Variants in SMARCB1 observed in about 807,000 individuals in gnomAD.
SMARCB1 encodes the protein SWI/SNF-related matrix-associated actin-dependent regulator of chromatin subfamily B member 1.
Under a neutral mutation model 49.0 loss-of-function variants are expected in SMARCB1, and 5 were observed. The observed-to-expected ratio is 0.10, with a 90% CI of 0.05 to 0.21. SMARCB1 has a LOEUF of 0.21. Ranked by LOEUF, SMARCB1 falls within the 10% of genes least tolerant of loss-of-function variation. SMARCB1 has a pLI of 1.00. For missense variants in SMARCB1, 226 were observed against 509.2 expected (o/e 0.44, Z 5.35); for synonymous variants, 201 against 200.1 (o/e 1.00, Z -0.04).
intron 3 of SMARCB1, among the ~76,000 whole-genome samples, chr22:23,795,980 A>G (rs2145969074): frequency 6.6e-6 from 1 of 151,812 alleles, no homozygotes; most frequent in South Asian, 2.1e-4. Flanking sequence ...TTTATTAGAG[A>G]CGGGGTTTCA....
At position 23,834,767 on chromosome 22, in the gene SMARCB1, C is replaced by T. The variant is rs2030900095; in HGVS notation, c.*587C>T. 2.3e-5 allele frequency: 33 copies of T among 1,421,488 alleles called. No individual in the cohort carries two copies. In the South Asian group the frequency reaches 3.8e-4, roughly 16 times the overall value. The allele number at this position is 1,421,488 out of a possible 1,614,324, so 88.1% of individuals were successfully genotyped here. A position where few individuals can be genotyped will look rare whatever the true frequency, so the allele number is the denominator to read the frequency against. ...AGCTGAGAAGAGTAGCTGTGAGGCT[C>T]AGGGCAAGAGGCTCTCTGCCTTTCA... On this transcript the variant is annotated 3_prime_UTR_variant, in exon 9 of 9. Transcript: ENST00000644036.
intron 5 of SMARCB1, among the ~76,000 whole-genome samples, chr22:23,814,160 AATC>A (rs1930043477): frequency 6.6e-6 from 1 of 152,126 alleles, no homozygotes; most frequent in Admixed American, 6.6e-5. Context: ...AAGTGGGAGT[AATC>A]ATTCTACCCA....
Position 23,837,804 on chromosome 22 carries a change from G to T in SMARCB1, c.*3624G>T. 1 of 1,613,838 alleles carries T rather than the reference G, an allele frequency of 6.2e-7. No individual in the cohort carries two copies. Reference sequence around the variant, plus strand: ...GGCGGCTCCACACGTACACCAGCATGGCCATGAGGGCCTGGCCCAGGAAGA... The same window carrying T: ...GGCGGCTCCACACGTACACCAGCATTGCCATGAGGGCCTGGCCCAGGAAGA... On this transcript the variant is annotated 3_prime_UTR_variant, in exon 9 of 9. Transcript: ENST00000644036.
chr22:23,834,470 TA>T lies in SMARCB1; in HGVS notation c.*292del. On this transcript the variant is annotated 3_prime_UTR_variant, in exon 9 of 9. Coordinates refer to ENST00000644036, the MANE Select transcript of SMARCB1 (RefSeq NM_003073.5). ...GTATAGGAGCCCCAGGCAGGGCTAGTAACAGTTTTTAAATAAAAGGCAACAG... is the reference window on the plus strand; with the variant it reads ...GTATAGGAGCCCCAGGCAGGGCTAGTACAGTTTTTAAATAAAAGGCAACAG... The T allele has an allele frequency of 1.5e-6, 1 of 673,482 alleles. No homozygotes were observed. The highest frequency in any genetic ancestry group is 2.6e-6 in the Non-Finnish European group (1 of 378,674). 41.7% of individuals were successfully genotyped at this position (673,482 alleles called of 1,614,324 possible). A position where few individuals can be genotyped will look rare whatever the true frequency, so the allele number is the denominator to read the frequency against.
chr22:23,833,765 A>G, intron 8 of SMARCB1, 62 bp downstream of exon 8: 1 of 1,574,312 alleles, frequency 6.4e-7, no homozygotes, highest in East Asian at 2.2e-5. Flanking sequence ...AGGCAGAGGC[A>G]GGGCCATTGC....
chr22:23,823,564 T>C (rs1227412095), intron 6 of SMARCB1: 1 of 152,402 alleles, frequency 6.6e-6, no homozygotes, highest in Non-Finnish European at 1.5e-5. Flanking sequence ...CCAGAACAAA[T>C]ACACCCTGCC....
intron 5 of SMARCB1, chr22:23,803,623 G>A (rs1929312904): frequency 1.5e-6 from 1 of 680,664 alleles, no homozygotes; most frequent in Non-Finnish European, 2.6e-6. Context: ...TGTGAACTTT[G>A]GACTCTTTCC....
At chr22:23,790,948 G>T (rs1258313553) in intron 1 of SMARCB1, among the ~76,000 whole-genome samples, 3 of 152,170 alleles carry the variant, frequency 2.0e-5, no homozygotes, top group Non-Finnish European at 4.4e-5. Context: ...CTTCATGGGG[G>T]TGAAGTTCAG....
chr22:23,791,698 C>T, intron 1 of SMARCB1, 58 bp from the exon 2 acceptor site: 2 of 1,575,718 alleles, frequency 1.3e-6, no homozygotes, highest in Non-Finnish European at 1.7e-6. Context: ...GCGCCAGGAC[C>T]CTCCCCTTCC....
At chr22:23,805,951 G>T (rs997470060) in intron 5 of SMARCB1, among the ~76,000 whole-genome samples, 2 of 152,212 alleles carry the variant, frequency 1.3e-5, no homozygotes, top group Non-Finnish European at 2.9e-5. Flanking sequence ...CAGAAAGGAT[G>T]CAAGGAAGCT....
Position 23,837,839 on chromosome 22 carries a change from C to T in SMARCB1, c.*3659C>T. The stretch of plus-strand genomic sequence containing the variant: ...GCCTGGCCCAGGAAGAACAGGCTGC[C>T]CAGGAGTCCCAGCAGCTGGGCCAGA... On this transcript the variant is annotated 3_prime_UTR_variant, in exon 9 of 9. Transcript: ENST00000644036. The T allele has an allele frequency of 1.9e-6, 3 of 1,612,194 alleles. No homozygotes were observed. The highest frequency in any genetic ancestry group is 2.5e-6 in the Non-Finnish European group (3 of 1,178,978).
chr22:23,836,108 C>T lies in SMARCB1; in HGVS notation c.*1928C>T, dbSNP rs1011713932. 1.5e-5 allele frequency: 15 copies of T among 985,368 alleles called. No homozygotes were observed. The South Asian group carries it at 1.9e-4, about 12-fold the overall frequency. 61.0% of individuals were successfully genotyped at this position (985,368 alleles called of 1,614,324 possible). On this transcript the variant is annotated 3_prime_UTR_variant, in exon 9 of 9. Transcript: ENST00000644036. ...ACAGGGGTCGGATAAGGCTCACACA[C>T]GTCCTCAGCTAAAAAGGGCAGGAAC...
Position 23,834,807 on chromosome 22 carries a change from C to G in SMARCB1, c.*627C>G, listed in dbSNP as rs746253130. 7 of 1,605,614 alleles carry G rather than the reference C, an allele frequency of 4.4e-6. No individual in the cohort carries two copies. The highest frequency in any genetic ancestry group is 1.3e-5 in the African/African-American group (1 of 74,860). On this transcript the variant is annotated 3_prime_UTR_variant, in exon 9 of 9. Transcript: ENST00000644036. Reference sequence around the variant, plus strand: ...TCTGCCTTTCAGGAACAGCCCTAACCCTGCTCCCCTTGCTTGGCCTCAGGA... The same window carrying G: ...TCTGCCTTTCAGGAACAGCCCTAACGCTGCTCCCCTTGCTTGGCCTCAGGA...
chr22:23,788,594 C>T (rs188647152), intron 1 of SMARCB1, among the ~76,000 whole-genome samples: 1 of 151,912 alleles, frequency 6.6e-6, no homozygotes, highest in Non-Finnish European at 1.5e-5. Flanking sequence ...TTTGTAGAGA[C>T]AGGGTTTTGC....
At chr22:23,789,593 A>T (rs558913305) in intron 1 of SMARCB1, among the ~76,000 whole-genome samples, 1 of 152,308 alleles carries the variant, frequency 6.6e-6, no homozygotes, top group East Asian at 1.9e-4. Flanking sequence ...CCCAAAACAC[A>T]TTTTAGTTTC....
At chr22:23,821,770 G>T (rs2030098655) in intron 6 of SMARCB1, among the ~76,000 whole-genome samples, 1 of 151,566 alleles carries the variant, frequency 6.6e-6, no homozygotes, top group Admixed American at 6.6e-5. Flanking sequence ...AGAATTGCTT[G>T]AACCTGGGAG....
chr22:23,805,796 C>G (rs35413018), intron 5 of SMARCB1, among the ~76,000 whole-genome samples: 1 of 152,136 alleles, frequency 6.6e-6, no homozygotes, highest in African/African-American at 2.4e-5. Flanking sequence ...TGAGCCACCG[C>G]GCCCGGCTGC....
Position 23,797,000 on chromosome 22 carries a change from C to CTTTTTTTTT in SMARCB1, c.362+3321_362+3329dup, listed in dbSNP as rs1166157626. On this transcript the variant is annotated intron_variant, in intron 3 of 8. Coordinates refer to ENST00000644036, the MANE Select transcript of SMARCB1 (RefSeq NM_003073.5). ...TTGCAATGGAAGGAAGGTTGTTTTT[C>CTTTTTTTTT]TTTTTTTTTTTTTTTTTGAGACGGA... is the stretch of plus-strand genomic sequence containing the variant. Among the ~76,000 whole-genome samples the CTTTTTTTTT allele has an allele frequency of 4.2e-3, 563 of 135,304 alleles. 6 individuals carry two copies. The highest frequency in any genetic ancestry group is 0.014 in the African/African-American group (497 of 35,552). The allele number at this position is 135,304 out of a possible 152,430, so 88.8% of individuals were successfully genotyped here. A position where few individuals can be genotyped will look rare whatever the true frequency, so the allele number is the denominator to read the frequency against.
Position 23,823,290 on chromosome 22 carries a change from G to A in SMARCB1, c.796-1935G>A, listed in dbSNP as rs183834596. The A allele has an allele frequency of 3.9e-5, 6 of 152,420 alleles. No homozygotes were observed. The East Asian group carries it at 1.2e-3, about 29-fold the overall frequency. The allele number at this position is 152,420 out of a possible 1,614,324, so 9.4% of individuals were successfully genotyped here. On this transcript the variant is annotated intron_variant, in intron 6 of 8. Coordinates refer to ENST00000644036, the MANE Select transcript of SMARCB1 (RefSeq NM_003073.5). ...GGGAGCCATGTGCCTATGGTCCTAT[G>A]GGGTCCTGTTGGGTGGTTCCATGGG... is the stretch of plus-strand genomic sequence containing the variant.
Sources: gnomAD v4.1 joint callset for allele counts (sites outside exome capture counted in the v4.1 genomes callset) on GRCh38, gnomAD v4.1.1 for gene constraint, MANE v1.5 for transcripts, NCBI Gene and HGNC (gene_info 2026-07-23, HGNC 2026-07-21) for gene names.